SPATA4: variants seen among roughly 807,000 people sequenced by gnomAD.
SPATA4 encodes the protein spermatogenesis-associated protein 4.
Under a neutral mutation model 31.8 loss-of-function variants are expected in SPATA4, and 35 were observed. The ratio of observed to expected loss-of-function variants is 1.10; its 90% CI spans 0.84 to 1.46. The LOEUF (loss-of-function observed/expected upper bound fraction) is 1.46, where lower values mean the gene tolerates loss of function less well. Among genes scored for constraint, SPATA4 ranks in the 40% most tolerant of loss-of-function variants. The pLI is 0.00. For synonymous variants in SPATA4, 126 were observed against 132.4 expected (o/e 0.95, Z 0.33); for missense variants, 394 against 363.1 (o/e 1.09, Z -0.69).
intron 5 of SPATA4, among the ~76,000 whole-genome samples, chr4:176,187,417 C>T (rs1169847701): frequency 2.0e-5 from 3 of 151,872 alleles, no homozygotes; most frequent in Admixed American, 2.0e-4. Flanking sequence ...CCAGCCTGGG[C>T]AACACGGTGA....
intron 4 of SPATA4, among the ~76,000 whole-genome samples, chr4:176,189,251 A>T (rs1752490930): frequency 6.6e-6 from 1 of 152,216 alleles, no homozygotes; most frequent in Non-Finnish European, 1.5e-5. Context: ...GATCAGTGTC[A>T]TAGTGTTCTA....
At chr4:176,193,145 C>T in intron 2 of SPATA4, 69 bp from the exon 3 acceptor site, 1 of 1,005,320 alleles carries the variant, frequency 9.9e-7, no homozygotes, top group Non-Finnish European at 1.5e-6. Flanking sequence ...ACTATGAATT[C>T]ACTTTAATCT....
At chr4:176,191,208 G>C (rs1752522578) in intron 4 of SPATA4, among the ~76,000 whole-genome samples, 1 of 151,012 alleles carries the variant, frequency 6.6e-6, no homozygotes, top group African/African-American at 2.4e-5. Context: ...CCATTCTCCT[G>C]CTTCAGCCTC....
intron 4 of SPATA4, among the ~76,000 whole-genome samples, chr4:176,191,101 T>A (rs1001861282): frequency 6.7e-6 from 1 of 150,036 alleles, no homozygotes; most frequent in African/African-American, 2.4e-5. Context: ...TATAGATTTT[T>A]TTTTTTTTTT....
intron 1 of SPATA4, 74 bp downstream of exon 1, chr4:176,195,271 T>A: frequency 6.7e-7 from 1 of 1,494,464 alleles, no homozygotes; most frequent in Non-Finnish European, 9.3e-7. Context: ...GGGTAGGCAA[T>A]CTGAGGCCTG....
intron 1 of SPATA4, 167 bp from the exon 2 acceptor site, chr4:176,193,749 A>T: frequency 4.9e-6 from 3 of 617,608 alleles, no homozygotes; most frequent in Non-Finnish European, 7.5e-6. Flanking sequence ...TGCTAAGATT[A>T]TCTACGTTTC....
intron 4 of SPATA4, among the ~76,000 whole-genome samples, chr4:176,190,424 A>G (rs1752510104): frequency 6.6e-6 from 1 of 152,238 alleles, no homozygotes. Context: ...ACAAATTACC[A>G]CAAATATCAT....
Position 176,186,876 on chromosome 4 carries a change from A to T in SPATA4, c.805+1243T>A, listed in dbSNP as rs1241076187. Among the ~76,000 whole-genome samples the T allele has an allele frequency of 2.6e-5, 4 of 151,908 alleles. No homozygotes were observed. In the East Asian group the frequency reaches 7.7e-4, roughly 29 times the overall value. On this transcript the variant is annotated intron_variant, in intron 5 of 5. Transcript: ENST00000280191. Reference sequence around the variant, plus strand: ...AGGAACATTGGCACTGCTCTCAAAGACTCTATGTAAACAAATAACTTTTAT... The same window carrying T: ...AGGAACATTGGCACTGCTCTCAAAGTCTCTATGTAAACAAATAACTTTTAT...
In SPATA4 at chr4:176,195,352, T is replaced by C; in HGVS notation, c.211A>G (p.Ile71Val). The C allele has an allele frequency of 6.2e-7, 1 of 1,614,034 alleles. No individual in the cohort carries two copies. Among genetic ancestry groups the C allele is most frequent in the Non-Finnish European group, 8.5e-7 (1 of 1,179,990 alleles). Residue 71 changes from isoleucine to valine, a missense_variant, in exon 1 of 6, where the codon ATC (isoleucine) becomes GTC (valine). Physicochemically the swap from Ile to Val is conservative, Grantham distance 29. Coordinates refer to ENST00000280191, the MANE Select transcript of SPATA4 (RefSeq NM_144644.4). ...ACTGGCTTACTCAAGCACCTGTTGATGTTCCTGGGGAAGAAGCTGAGATCC... is the reference window on the plus strand; with the variant it reads ...ACTGGCTTACTCAAGCACCTGTTGACGTTCCTGGGGAAGAAGCTGAGATCC... Reference protein sequence around the residue: ...GLDLSFFPRNINRDFSNGFLI... With the variant: ...GLDLSFFPRNVNRDFSNGFLI...
chr4:176,188,380 T>C (rs926017475), intron 4 of SPATA4, 145 bp from the exon 5 acceptor site: 1 of 582,204 alleles, frequency 1.7e-6, no homozygotes, highest in African/African-American at 1.9e-5. Context: ...AGGTTAATAG[T>C]CCCTCCCCAC....
At chr4:176,189,060 T>A (rs574832966) in intron 4 of SPATA4, among the ~76,000 whole-genome samples, 1 of 152,348 alleles carries the variant, frequency 6.6e-6, no homozygotes, top group South Asian at 2.1e-4. Flanking sequence ...AGGGTTTAGA[T>A]GATCTGTAGT....
intron 1 of SPATA4, chr4:176,194,973 G>A (rs78838548): frequency 0.17 from 34,412 of 207,494 alleles, 3,201 homozygotes; most frequent in East Asian, 0.33. Flanking sequence ...CTGACCTCAG[G>A]TGATCCGCCT....
intron 4 of SPATA4, among the ~76,000 whole-genome samples, chr4:176,190,290 T>C (rs1329398110): frequency 6.6e-6 from 1 of 152,214 alleles, no homozygotes; most frequent in Non-Finnish European, 1.5e-5. Flanking sequence ...GTTTTCACTT[T>C]AATCAATTTA....
chr4:176,193,814 C>A, intron 1 of SPATA4: 1 of 330,690 alleles, frequency 3.0e-6, no homozygotes, highest in South Asian at 6.3e-5. Flanking sequence ...ATTGAATCCG[C>A]ATTTCAAGAA....
Position 176,192,852 on chromosome 4 carries a change from AAAT to A in SPATA4, c.468-8_468-6del. The stretch of plus-strand genomic sequence containing the variant: ...TCATCCTGGATACTTTTAATTCTGG[AAAT>A]AAAAAATAAAATACTGTTGACAAGC... On this transcript the variant is annotated splice_region_variant and splice_polypyrimidine_tract_variant and intron_variant, in intron 3 of 5. Coordinates refer to ENST00000280191, the MANE Select transcript of SPATA4 (RefSeq NM_144644.4). The A allele has an allele frequency of 6.2e-7, 1 of 1,608,140 alleles. No homozygotes were observed. Among genetic ancestry groups the A allele is most frequent in the Non-Finnish European group, 8.5e-7 (1 of 1,177,536 alleles).
At chr4:176,187,292 A>G (rs996343061) in intron 5 of SPATA4, among the ~76,000 whole-genome samples, 2 of 152,044 alleles carry the variant, frequency 1.3e-5, no homozygotes, top group Non-Finnish European at 2.9e-5. Context: ...TGAATTTCAT[A>G]GCATTTTTAT....
intron 5 of SPATA4, among the ~76,000 whole-genome samples, chr4:176,185,799 A>T (rs1752431378): frequency 6.6e-6 from 1 of 152,258 alleles, no homozygotes; most frequent in Non-Finnish European, 1.5e-5. Context: ...CAAGTATATT[A>T]TCTGGAACAG....
At position 176,184,740 on chromosome 4, in the gene SPATA4, T is replaced by C. The variant is rs1283893012; in HGVS notation, c.*40A>G. 1 of 1,209,834 alleles carries C rather than the reference T, an allele frequency of 8.3e-7. No individual in the cohort carries two copies. The highest frequency in any genetic ancestry group is 1.2e-6 in the Non-Finnish European group (1 of 842,306). The allele number at this position is 1,209,834 out of a possible 1,614,324, so 74.9% of individuals were successfully genotyped here. A position where few individuals can be genotyped will look rare whatever the true frequency, so the allele number is the denominator to read the frequency against. On this transcript the variant is annotated 3_prime_UTR_variant, in exon 6 of 6. Transcript: ENST00000280191. ...TCTGTTTCTTTATTATGGCTAGAGA[T>C]GGTGGCATCACTTCTTCAAAGCCAT...
intron 1 of SPATA4, 34 bp downstream of exon 1, chr4:176,195,311 A>C (rs532122556): frequency 1.2e-6 from 2 of 1,605,488 alleles, no homozygotes; most frequent in South Asian, 2.2e-5. Context: ...CGGGGCGCCC[A>C]CCGGGGGGGC....
Sources: gnomAD v4.1 joint callset for allele counts (sites outside exome capture counted in the v4.1 genomes callset) on GRCh38, gnomAD v4.1.1 for gene constraint, MANE v1.5 for transcripts, NCBI Gene and HGNC (gene_info 2026-07-23, HGNC 2026-07-21) for gene names.